The following MFSD8 variants were observed in gnomAD, a reference collection of about 807,000 sequenced individuals.
The protein encoded by MFSD8 is major facilitator superfamily domain-containing protein 8.
In MFSD8, 55 loss-of-function variants were observed where a neutral mutation model predicts 66.4. The ratio of observed to expected loss-of-function variants is 0.83; its 90% CI spans 0.67 to 1.04. The LOEUF is 1.04. Ranked by LOEUF, MFSD8 falls within the 50% of genes least tolerant of loss-of-function variation. The pLI, the probability that MFSD8 is intolerant of heterozygous loss-of-function variation, is 0.00. For missense variants in MFSD8, 550 were observed against 627.6 expected (o/e 0.88, Z 1.32); for synonymous variants, 202 against 212.8 (o/e 0.95, Z 0.44).
intron 3 of MFSD8, 124 bp downstream of exon 3, chr4:127,949,680 T>C (rs1741619245): frequency 2.5e-6 from 2 of 807,584 alleles, no homozygotes; most frequent in Non-Finnish European, 4.0e-6. Flanking sequence ...AAGGAACTAT[T>C]ATCTCATTAT....
chr4:127,928,469 A>C (rs1737584551), intron 9 of MFSD8, among the ~76,000 whole-genome samples: 1 of 152,190 alleles, frequency 6.6e-6, no homozygotes, highest in Non-Finnish European at 1.5e-5. Flanking sequence ...AAGACATATA[A>C]AAGGCCACTA....
At chr4:127,932,141 A>C (rs1738248156) in intron 8 of MFSD8, among the ~76,000 whole-genome samples, 1 of 152,138 alleles carries the variant, frequency 6.6e-6, no homozygotes, top group Admixed American at 6.6e-5. Context: ...AACACGATAA[A>C]TTTTATGTTA....
chr4:127,965,229 G>C, upstream of MFSD8: 2 of 1,474,286 alleles, frequency 1.4e-6, no homozygotes, highest in Non-Finnish European at 1.9e-6. Flanking sequence ...AAGCCTGTAA[G>C]TGCGCGTGCG....
intron 3 of MFSD8, among the ~76,000 whole-genome samples, chr4:127,944,693 C>T (rs1227783245): frequency 6.6e-6 from 1 of 152,016 alleles, no homozygotes; most frequent in African/African-American, 2.4e-5. Context: ...CAGGGTCTCA[C>T]TCTGACATCC....
At chr4:127,941,970 G>T in intron 5 of MFSD8, 75 bp downstream of exon 5, 1 of 1,151,744 alleles carries the variant, frequency 8.7e-7, no homozygotes. Flanking sequence ...TTTTATACTT[G>T]GGTTACACTG....
intron 9 of MFSD8, among the ~76,000 whole-genome samples, chr4:127,926,092 G>C (rs539261531): frequency 8.6e-5 from 13 of 151,736 alleles, no homozygotes; most frequent in Non-Finnish European, 1.6e-4. Context: ...TTGCGGGGTG[G>C]GGGGCTAGAG....
At chr4:127,960,094 A>G (rs1189118196) in intron 1 of MFSD8, among the ~76,000 whole-genome samples, 1 of 152,198 alleles carries the variant, frequency 6.6e-6, no homozygotes, top group East Asian at 1.9e-4. Context: ...AAACTGTAGT[A>G]CTACAGTTTT....
Position 127,918,776 on chromosome 4 carries a change from A to T in MFSD8, c.*1854T>A, listed in dbSNP as rs186704095. 6 of 152,314 alleles carry T rather than the reference A, an allele frequency of 3.9e-5. No homozygotes were observed. Among genetic ancestry groups the T allele is most frequent in the African/African-American group, 1.2e-4 (5 of 41,576 alleles). The allele number at this position is 152,314 out of a possible 1,614,324, so 9.4% of individuals were successfully genotyped here. ...ATCATAATAGTATTTTCACTCCATA[A>T]GACTGCTGTAAGAATTAAATTGTAT... On this transcript the variant is annotated 3_prime_UTR_variant, in exon 12 of 12. Transcript: ENST00000641686.
chr4:127,962,475 A>AG (rs1162574454), intron 1 of MFSD8, among the ~76,000 whole-genome samples: 1 of 152,076 alleles, frequency 6.6e-6, no homozygotes, highest in African/African-American at 2.4e-5. Context: ...CTCAAAAAAA[A>AG]GTATAGCAGT....
At chr4:127,936,075 G>C (rs1263898145) in intron 7 of MFSD8, among the ~76,000 whole-genome samples, 1 of 143,190 alleles carries the variant, frequency 7.0e-6, no homozygotes, top group Non-Finnish European at 1.5e-5. Flanking sequence ...TGAAAGTTAA[G>C]TATAAGAATG....
At chr4:127,950,039 C>T (rs912681008) in intron 2 of MFSD8, among the ~76,000 whole-genome samples, 192 bp from the exon 3 acceptor site, 1 of 152,188 alleles carries the variant, frequency 6.6e-6, no homozygotes. Context: ...CATACAATTA[C>T]AGTCCCTCAT....
At position 127,932,157 on chromosome 4, in the gene MFSD8, A is replaced by G. The variant is rs1471941829; in HGVS notation, c.863+828T>C. Among the ~76,000 whole-genome samples the G allele has an allele frequency of 2.0e-5, 3 of 152,206 alleles. No homozygotes were observed. In the South Asian group the frequency reaches 6.2e-4, roughly 31 times the overall value. On this transcript the variant is annotated intron_variant, in intron 8 of 11. Transcript: ENST00000641686. ...ACACGATAAATTTTATGTTATGTATATTTTCCCACAATAAAAAATTGCCCC... is the reference window on the plus strand; with the variant it reads ...ACACGATAAATTTTATGTTATGTATGTTTTCCCACAATAAAAAATTGCCCC...
intron 3 of MFSD8, among the ~76,000 whole-genome samples, chr4:127,948,267 C>G (rs1741408120): frequency 6.6e-6 from 1 of 151,950 alleles, no homozygotes; most frequent in African/African-American, 2.4e-5. Context: ...AATTATTGGT[C>G]ACAGCTAGTG....
At chr4:127,924,817 C>T (rs1242332266) in intron 9 of MFSD8, among the ~76,000 whole-genome samples, 1 of 152,124 alleles carries the variant, frequency 6.6e-6, no homozygotes, top group Non-Finnish European at 1.5e-5. Context: ...AAGCTGAAGA[C>T]ATCACAATAC....
rs1301078924 is a variant in MFSD8, at chr4:127,919,008, A to T, written c.*1622T>A. 6.6e-6 allele frequency: 1 copy of T among 152,196 alleles called. No individual in the cohort carries two copies. Among genetic ancestry groups the T allele is most frequent in the East Asian group, 1.9e-4 (1 of 5,198 alleles). The allele number at this position is 152,196 out of a possible 1,614,324, so 9.4% of individuals were successfully genotyped here. A position where few individuals can be genotyped will look rare whatever the true frequency, so the allele number is the denominator to read the frequency against. ...GTAAGAGGGATCCCAGACTTGACCAAATAGCCAGAACTGGCTACGGTTCTG... is the reference window on the plus strand; with the variant it reads ...GTAAGAGGGATCCCAGACTTGACCATATAGCCAGAACTGGCTACGGTTCTG... On this transcript the variant is annotated 3_prime_UTR_variant, in exon 12 of 12. Transcript: ENST00000641686.
chr4:127,924,091 A>G (rs72616969), intron 9 of MFSD8, among the ~76,000 whole-genome samples: 12,113 of 152,098 alleles, frequency 0.08, 960 homozygotes, highest in East Asian at 0.26. Context: ...TTGTACCTCC[A>G]GTAGAATTCG....
At chr4:127,943,562 G>C (rs1740553593) in intron 4 of MFSD8, 190 bp downstream of exon 4, 1 of 619,172 alleles carries the variant, frequency 1.6e-6, no homozygotes, top group East Asian at 3.1e-5. Flanking sequence ...GAACAGAAGA[G>C]AAACTATAGG....
intron 2 of MFSD8, among the ~76,000 whole-genome samples, chr4:127,953,630 T>C (rs1742402589): frequency 7.2e-6 from 1 of 138,922 alleles, no homozygotes; most frequent in South Asian, 2.4e-4. Flanking sequence ...CTTGGCTCAG[T>C]GCAACCTCTG....
Position 127,923,640 on chromosome 4 carries a change from C to T in MFSD8, c.999-1677G>A, listed in dbSNP as rs760967189. Among the ~76,000 whole-genome samples, 4 of 149,666 alleles carry T rather than the reference C, an allele frequency of 2.7e-5. No homozygotes were observed. The South Asian group carries it at 6.3e-4, about 24-fold the overall frequency. On this transcript the variant is annotated intron_variant, in intron 9 of 11. Coordinates refer to ENST00000641686, the MANE Select transcript of MFSD8 (RefSeq NM_001371596.2). ...TGTCGCCCAGGCTGGTATGCAGTGG[C>T]GTGAACTTGGCTCACTGCAAACTCC... is the stretch of plus-strand genomic sequence containing the variant.
Sources: gnomAD v4.1 joint callset for allele counts (sites outside exome capture counted in the v4.1 genomes callset) on GRCh38, gnomAD v4.1.1 for gene constraint, MANE v1.5 for transcripts, NCBI Gene and HGNC (gene_info 2026-07-23, HGNC 2026-07-21) for gene names.